Variants in CACNA1D observed in about 807,000 individuals in gnomAD.
CACNA1D encodes the protein voltage-dependent L-type calcium channel subunit alpha-1D.
A neutral mutation model predicts 257.1 loss-of-function variants in CACNA1D; 55 were observed. The observed-to-expected ratio is 0.21, with a 90% CI of 0.17 to 0.27. The LOEUF is 0.27. Among genes scored for constraint, CACNA1D ranks in the 10% least tolerant of loss-of-function variants. The pLI is 1.00. For missense variants in CACNA1D, 1,876 were observed against 2,784.0 expected, an observed-to-expected ratio of 0.67 and a Z score of 7.34; for synonymous variants, 980 against 1,014.9, an observed-to-expected ratio of 0.97 and a Z score of 0.65.
intron 3 of CACNA1D, among the ~76,000 whole-genome samples, chr3:53,608,723 A>ATGG (rs2093545247): frequency 6.6e-6 from 1 of 152,328 alleles, no homozygotes. Context: ...TAACGTATCT[A>ATGG]TTAGAATGGT....
intron 7 of CACNA1D, among the ~76,000 whole-genome samples, chr3:53,668,275 T>C (rs1169845103): frequency 1.3e-5 from 2 of 152,172 alleles, no homozygotes; most frequent in Non-Finnish European, 2.9e-5. Context: ...TTATATTCCT[T>C]CACATCGATT....
At chr3:53,503,476 C>T (rs1388039332) in intron 3 of CACNA1D, among the ~76,000 whole-genome samples, 1 of 152,170 alleles carries the variant, frequency 6.6e-6, no homozygotes, top group Non-Finnish European at 1.5e-5. Flanking sequence ...CAGATTGTTA[C>T]TTTTCGTAGC....
At chr3:53,748,371 A>C (rs1559618512) in intron 26 of CACNA1D, among the ~76,000 whole-genome samples, 1 of 152,116 alleles carries the variant, frequency 6.6e-6, no homozygotes, top group East Asian at 1.9e-4. Context: ...TAAGAGTCAG[A>C]TATTTTCAGG....
At chr3:53,809,066 C>G in intron 46 of CACNA1D, 1 of 438,722 alleles carries the variant, frequency 2.3e-6, no homozygotes, top group Non-Finnish European at 4.2e-6. Flanking sequence ...GCATTGAATA[C>G]AGAGCCTGAT....
intron 3 of CACNA1D, among the ~76,000 whole-genome samples, chr3:53,571,369 C>G (rs770973843): frequency 1.5e-4 from 23 of 152,314 alleles, no homozygotes; most frequent in Non-Finnish European, 2.6e-4. Flanking sequence ...TTTCTCCACC[C>G]ACAGAAACCC....
rs559672389 is a variant in CACNA1D, at chr3:53,693,262, A to G, written c.1221-9379A>G. 2.0e-5 allele frequency among the ~76,000 whole-genome samples: 3 copies of G among 152,080 alleles called. No individual in the cohort carries two copies. In the East Asian group the frequency reaches 5.8e-4, roughly 29 times the overall value. ...ACCTGCAAAGGAGCAGGTCTTATTT[A>G]TGGGGTGCTGTATTCCTAATCCCTC... On this transcript the variant is annotated intron_variant, in intron 8 of 47. Transcript: ENST00000350061.
chr3:53,508,244 C>T (rs2090942333), intron 3 of CACNA1D, among the ~76,000 whole-genome samples: 1 of 152,072 alleles, frequency 6.6e-6, no homozygotes, highest in African/African-American at 2.4e-5. Context: ...CCGCACCTAT[C>T]AACCCATCAC....
At chr3:53,638,855 G>C (rs2093916145) in intron 3 of CACNA1D, among the ~76,000 whole-genome samples, 1 of 152,206 alleles carries the variant, frequency 6.6e-6, no homozygotes, top group Non-Finnish European at 1.5e-5. Context: ...CTCCCAGATG[G>C]GTCCTCGGTT....
At chr3:53,506,963 T>C (rs779605747) in intron 3 of CACNA1D, among the ~76,000 whole-genome samples, 18 of 150,210 alleles carry the variant, frequency 1.2e-4, no homozygotes, top group Non-Finnish European at 7.4e-5. Flanking sequence ...GTCCCAGCTA[T>C]GTGGGAGGCT....
chr3:53,582,794 C>G (rs1437524198), intron 3 of CACNA1D, among the ~76,000 whole-genome samples: 2 of 152,082 alleles, frequency 1.3e-5, no homozygotes, highest in Admixed American at 1.3e-4. Context: ...TCCTTTGGGA[C>G]AAGGGACTTG....
intron 3 of CACNA1D, among the ~76,000 whole-genome samples, chr3:53,556,415 G>T (rs2092646319): frequency 6.6e-6 from 1 of 152,188 alleles, no homozygotes; most frequent in Non-Finnish European, 1.5e-5. Context: ...ACTTAATCGT[G>T]TCAGTACTTT....
chr3:53,554,195 CA>C (rs536981451), intron 3 of CACNA1D, among the ~76,000 whole-genome samples: 11,253 of 113,782 alleles, frequency 0.099, 1,149 homozygotes, highest in African/African-American at 0.28. Flanking sequence ...GACTCTGTCT[CA>C]AAAAAAAAAA....
Position 53,719,793 on chromosome 3 carries a change from C to T in CACNA1D, c.1505+12C>T. ...AAATCCAAACTCAGGTCAGTATCTTCTTTCTGTTTCTTCGTCAGCCTGTGT... is the reference window on the plus strand; with the variant it reads ...AAATCCAAACTCAGGTCAGTATCTTTTTTCTGTTTCTTCGTCAGCCTGTGT... On this transcript the variant is annotated intron_variant, in intron 11 of 47. Coordinates refer to ENST00000350061, the MANE Select transcript of CACNA1D (RefSeq NM_001128840.3). 6.2e-7 allele frequency: 1 copy of T among 1,611,482 alleles called. No homozygotes were observed. The highest frequency in any genetic ancestry group is 8.5e-7 in the Non-Finnish European group (1 of 1,177,560).
intron 12 of CACNA1D, 79 bp downstream of exon 12, chr3:53,722,553 A>G: frequency 7.3e-7 from 1 of 1,377,782 alleles, no homozygotes; most frequent in Admixed American, 1.7e-5. Flanking sequence ...GTCTTATCTG[A>G]TCGCTGCATG....
chr3:53,625,373 C>T (rs1316094252), intron 3 of CACNA1D, among the ~76,000 whole-genome samples: 3 of 152,274 alleles, frequency 2.0e-5, no homozygotes, highest in South Asian at 2.1e-4. Flanking sequence ...CACCTTCTCT[C>T]GAGGGTTCAG....
intron 15 of CACNA1D, among the ~76,000 whole-genome samples, chr3:53,727,261 C>G (rs1361128149): frequency 1.3e-5 from 2 of 152,234 alleles, no homozygotes; most frequent in Non-Finnish European, 2.9e-5. Context: ...AGCACACATA[C>G]TGGTCCCAGA....
intron 3 of CACNA1D, among the ~76,000 whole-genome samples, chr3:53,585,355 G>A (rs1336267726): frequency 6.6e-6 from 1 of 152,090 alleles, no homozygotes; most frequent in Admixed American, 6.5e-5. Flanking sequence ...GCATAGCATA[G>A]ATTTGCTTCT....
At chr3:53,552,940 C>G (rs2092564640) in intron 3 of CACNA1D, among the ~76,000 whole-genome samples, 1 of 152,108 alleles carries the variant, frequency 6.6e-6, no homozygotes. Context: ...TTAATAAACC[C>G]AGGACAGAAT....
intron 3 of CACNA1D, among the ~76,000 whole-genome samples, chr3:53,541,650 C>G (rs1002099065): frequency 1.3e-5 from 2 of 152,144 alleles, no homozygotes; most frequent in African/African-American, 4.8e-5. Context: ...TTTTTCTCTC[C>G]CATTCCAGTA....
Sources: gnomAD v4.1 joint callset for allele counts (sites outside exome capture counted in the v4.1 genomes callset) on GRCh38, gnomAD v4.1.1 for gene constraint, MANE v1.5 for transcripts, NCBI Gene and HGNC (gene_info 2026-07-23, HGNC 2026-07-21) for gene names.